PRDM10: variants seen among roughly 807,000 people sequenced by gnomAD.
PRDM10 encodes the protein PR domain zinc finger protein 10.
PRDM10 carries 65 observed loss-of-function variants against 133.1 expected under a neutral mutation model. The observed-to-expected ratio is 0.49, with a 90% CI of 0.40 to 0.60. PRDM10 has a LOEUF of 0.60. PRDM10 is among the 20% of genes least tolerant of loss of function. The pLI is 0.00. For missense variants in PRDM10, 1,137 were observed against 1,507.1 expected, an observed-to-expected ratio of 0.75 and a Z score of 4.07; for synonymous variants, 582 against 580.4, an observed-to-expected ratio of 1.00 and a Z score of -0.04.
rs1226715899 is a variant in PRDM10 at position 129,923,418 on chromosome 11, C to A, written c.1879-15G>T. The A allele has an allele frequency of 6.3e-7, 1 of 1,597,514 alleles. No individual in the cohort carries two copies. The highest frequency in any genetic ancestry group is 8.5e-7 in the Non-Finnish European group (1 of 1,171,422). ...TGTTTTTTCACCTGGTGATAAGAACCACAGGAAAATTCAGGGGACGCAGGC... is the reference window on the plus strand; with the variant it reads ...TGTTTTTTCACCTGGTGATAAGAACAACAGGAAAATTCAGGGGACGCAGGC... On this transcript the variant is annotated splice_polypyrimidine_tract_variant and intron_variant, in intron 12 of 20. Coordinates refer to ENST00000360871, the MANE Select transcript of PRDM10 (RefSeq NM_199437.2). This position sits in a 1 kb window ranked among gnomAD's most constrained non-coding sequence, Gnocchi z 4.4.
chr11:129,996,660 A>G (rs1939079436), intron 1 of PRDM10, among the ~76,000 whole-genome samples: 1 of 152,138 alleles, frequency 6.6e-6, no homozygotes, highest in Admixed American at 6.5e-5. Flanking sequence ...GGGGAAGGAG[A>G]GCAGAGAGGA....
At chr11:129,927,373 C>T (rs1199846631) in intron 11 of PRDM10, among the ~76,000 whole-genome samples, 9 of 152,118 alleles carry the variant, frequency 5.9e-5, no homozygotes, top group Middle Eastern at 6.8e-3. Context: ...GCTGATGAAC[C>T]AATACTATTG....
rs112397575 is a variant in PRDM10 at position 129,910,704 on chromosome 11, T to C, written c.2983-48A>G. 4.0e-3 allele frequency: 5,620 copies of C among 1,395,082 alleles called. 206 individuals are homozygous for C. In the African/African-American group the frequency reaches 0.072, roughly 18 times the overall value. The allele number at this position is 1,395,082 out of a possible 1,614,324, so 86.4% of individuals were successfully genotyped here. ...GGTAGGGAATTACGAGCTTCTAATATAGTGAAGACTCACAAATAACTGAAG... is the reference window on the plus strand; with the variant it reads ...GGTAGGGAATTACGAGCTTCTAATACAGTGAAGACTCACAAATAACTGAAG... On this transcript the variant is annotated intron_variant, in intron 18 of 20. Coordinates refer to ENST00000360871, the MANE Select transcript of PRDM10 (RefSeq NM_199437.2).
intron 11 of PRDM10, among the ~76,000 whole-genome samples, chr11:129,929,677 A>G (rs1272537452): frequency 6.6e-6 from 1 of 151,998 alleles, no homozygotes; most frequent in Non-Finnish European, 1.5e-5. Context: ...TCAAAAATGC[A>G]AGTACAATTA....
At chr11:129,985,661 G>A (rs1938369350) in intron 1 of PRDM10, among the ~76,000 whole-genome samples, 1 of 151,094 alleles carries the variant, frequency 6.6e-6, no homozygotes, top group East Asian at 1.9e-4. Flanking sequence ...GCATGCATCT[G>A]TAGTTCCAGC....
At chr11:129,978,897 A>C (rs1221300283) in intron 1 of PRDM10, among the ~76,000 whole-genome samples, 1 of 152,128 alleles carries the variant, frequency 6.6e-6, no homozygotes, top group Non-Finnish European at 1.5e-5. Flanking sequence ...CTCCCATCCC[A>C]TTTGAGAGTT....
At position 129,945,102 on chromosome 11, in the gene PRDM10, C is replaced by G. The variant is rs1951363411; in HGVS notation, c.521-90G>C. 6.5e-7 allele frequency: 1 copy of G among 1,528,492 alleles called. No homozygotes were observed. Among genetic ancestry groups the G allele is most frequent in the African/African-American group, 1.4e-5 (1 of 71,780 alleles). 94.7% of individuals were successfully genotyped at this position (1,528,492 alleles called of 1,614,324 possible). On this transcript the variant is annotated intron_variant, in intron 5 of 20. Coordinates refer to ENST00000360871, the MANE Select transcript of PRDM10 (RefSeq NM_199437.2). This position sits in a 1 kb window ranked among gnomAD's most constrained non-coding sequence, Gnocchi z 4.2. The stretch of plus-strand genomic sequence containing the variant: ...AAATTCTGACCCGAAAAATCCCCGT[C>G]TGCATTTTCAAGCCAAAATTCAATG...
intron 8 of PRDM10, 110 bp from the exon 9 acceptor site, chr11:129,935,328 T>C (rs1950994579): frequency 1.3e-6 from 1 of 798,892 alleles, no homozygotes; most frequent in African/African-American, 1.7e-5. Flanking sequence ...AAAGAGTTCA[T>C]AACTATATAG....
intron 1 of PRDM10, among the ~76,000 whole-genome samples, chr11:129,974,665 G>A (rs1372593585): frequency 2.6e-5 from 4 of 152,162 alleles, no homozygotes; most frequent in Non-Finnish European, 5.9e-5. Flanking sequence ...TACATCTGAG[G>A]ACCAGGATAT....
At chr11:129,926,395 A>AG (rs1164133066) in intron 11 of PRDM10, among the ~76,000 whole-genome samples, 2 of 152,086 alleles carry the variant, frequency 1.3e-5, no homozygotes, top group Non-Finnish European at 2.9e-5. Context: ...GATTGCTACA[A>AG]GGGGGGGAAA....
intron 1 of PRDM10, among the ~76,000 whole-genome samples, chr11:129,988,861 C>T (rs927273239): frequency 1.1e-4 from 16 of 140,488 alleles, no homozygotes; most frequent in African/African-American, 3.8e-4. Flanking sequence ...GATCTCCTGA[C>T]CTCGTGATCC....
At chr11:129,961,558 G>T (rs1292596306) in intron 1 of PRDM10, among the ~76,000 whole-genome samples, 3 of 151,206 alleles carry the variant, frequency 2.0e-5, no homozygotes, top group Non-Finnish European at 4.4e-5. Context: ...CACCTGCCTT[G>T]GTCTCCCAAA....
At chr11:129,985,441 C>T (rs1003950527) in intron 1 of PRDM10, among the ~76,000 whole-genome samples, 4 of 152,184 alleles carry the variant, frequency 2.6e-5, no homozygotes, top group Admixed American at 2.6e-4. Context: ...CAGCTGCTCC[C>T]AAGCCACACA....
chr11:129,923,643 T>TGAGAGAGAGAGAGAGAGAGAGAGAGA lies in PRDM10; in HGVS notation c.1879-266_1879-241dup, dbSNP rs57429782. On this transcript the variant is annotated intron_variant, in intron 12 of 20. Coordinates refer to ENST00000360871, the MANE Select transcript of PRDM10 (RefSeq NM_199437.2). The surrounding 1 kb of genome is among the most constrained non-coding windows in gnomAD (Gnocchi z 4.4). Reference sequence around the variant, plus strand: ...CGAACCTCCCCGATGACTTGAAACGTGAGAGAGAGAGAGAGAGAGAGAGAG... The same window carrying TGAGAGAGAGAGAGAGAGAGAGAGAGA: ...CGAACCTCCCCGATGACTTGAAACGTGAGAGAGAGAGAGAGAGAGAGAGAGAGAGAGAGAGAGAGAGAGAGAGAGAG... Among the ~76,000 whole-genome samples, 1 of 65,882 alleles carries TGAGAGAGAGAGAGAGAGAGAGAGAGA rather than the reference T, an allele frequency of 1.5e-5. No individual in the cohort carries two copies. Among genetic ancestry groups the TGAGAGAGAGAGAGAGAGAGAGAGAGA allele is most frequent in the Non-Finnish European group, 2.5e-5 (1 of 39,420 alleles). 43.2% of individuals were successfully genotyped at this position (65,882 alleles called of 152,430 possible). A position where few individuals can be genotyped will look rare whatever the true frequency, so the allele number is the denominator to read the frequency against.
chr11:129,915,225 C>T (rs1158082395), intron 16 of PRDM10, among the ~76,000 whole-genome samples: 1 of 152,068 alleles, frequency 6.6e-6, no homozygotes, highest in East Asian at 1.9e-4. Flanking sequence ...TAAAACCTCA[C>T]CTGACCTCAC....
In PRDM10 at chr11:129,915,263, C is replaced by G. The variant is rs539989239; in HGVS notation, c.2527-245G>C. Among the ~76,000 whole-genome samples the G allele has an allele frequency of 2.6e-5, 4 of 151,708 alleles. No individual in the cohort carries two copies. In the South Asian group the frequency reaches 8.4e-4, roughly 32 times the overall value. ...CATCAGCAAGGTCTCAATACCCCCC[C>G]CAAATAGTACCTGCAGCAATCAATC... On this transcript the variant is annotated intron_variant, in intron 16 of 20. Transcript: ENST00000360871.
At chr11:129,943,324 C>T (rs975478828) in intron 6 of PRDM10, among the ~76,000 whole-genome samples, 7 of 152,206 alleles carry the variant, frequency 4.6e-5, no homozygotes, top group African/African-American at 1.7e-4. Context: ...ACATTACTGG[C>T]ACACAGCAGA....
chr11:129,902,467 G>A lies in PRDM10; in HGVS notation c.3317C>T (p.Thr1106Ile). The A allele has an allele frequency of 6.2e-7, 1 of 1,614,238 alleles. No homozygotes were observed. Among genetic ancestry groups the A allele is most frequent in the Non-Finnish European group, 8.5e-7 (1 of 1,180,044 alleles). The change falls in exon 21 of 21, where the codon ACT (threonine) becomes ATT (isoleucine). Residue 1106 changes from threonine to isoleucine, a missense_variant. Thr to Ile is a moderately conservative substitution (Grantham distance 89). Transcript: ENST00000360871. Reference protein sequence around the residue: ...ESQSELEEKQTSALSGGVQVE... With the variant: ...ESQSELEEKQISALSGGVQVE... Reference sequence around the variant, plus strand: ...CTGGACTCCACCAGAGAGGGCAGAAGTTTGCTTTTCTTCCAATTCTGATTG... The same window carrying A: ...CTGGACTCCACCAGAGAGGGCAGAAATTTGCTTTTCTTCCAATTCTGATTG...
At chr11:129,976,008 A>G (rs1289600131) in intron 1 of PRDM10, among the ~76,000 whole-genome samples, 1 of 152,112 alleles carries the variant, frequency 6.6e-6, no homozygotes, top group Non-Finnish European at 1.5e-5. Context: ...TCATCCACGC[A>G]TGGTATCTCC....
Sources: gnomAD v4.1 joint callset for allele counts (sites outside exome capture counted in the v4.1 genomes callset) on GRCh38, gnomAD v4.1.1 for gene constraint, Gnocchi (gnomAD v3.1) non-coding constraint, MANE v1.5 for transcripts, NCBI Gene and HGNC (gene_info 2026-07-23, HGNC 2026-07-21) for gene names.